The following ESR1 variants were observed in gnomAD, a reference collection of about 807,000 sequenced individuals.
ESR1 encodes the protein estrogen receptor.
In ESR1, 12 loss-of-function variants were observed where a neutral mutation model predicts 52.7. The observed-to-expected ratio is 0.23, with a 90% confidence interval of 0.15 to 0.37. ESR1 has a LOEUF of 0.37. Ranked by LOEUF, ESR1 falls within the 10% of genes least tolerant of loss-of-function variation. The pLI, the probability that ESR1 is intolerant of heterozygous loss-of-function variation, is 1.00. For missense variants in ESR1, 584 were observed against 779.7 expected, an observed-to-expected ratio of 0.75 and a Z score of 2.99; for synonymous variants, 305 against 316.8, an observed-to-expected ratio of 0.96 and a Z score of 0.39.
chr6:152,116,968 T>C (rs7450824), intron 6 of ESR1, among the ~76,000 whole-genome samples: 29,779 of 152,126 alleles, frequency 0.2, 3,431 homozygotes, highest in East Asian at 0.36. Context: ...CTTGCTATCA[T>C]GGCCAACTGG....
intron 4 of ESR1, among the ~76,000 whole-genome samples, chr6:151,975,899 C>T (rs7759554): frequency 0.024 from 3,578 of 152,130 alleles, 101 homozygotes; most frequent in East Asian, 0.082. Context: ...TGAACAATTC[C>T]CTGTGAATGC....
intron 5 of ESR1, among the ~76,000 whole-genome samples, chr6:152,024,034 G>T (rs1584869200): frequency 6.6e-6 from 1 of 152,036 alleles, no homozygotes; most frequent in African/African-American, 2.4e-5. Flanking sequence ...CATGTTAGGG[G>T]TCAATTTGGA....
intron 6 of ESR1, among the ~76,000 whole-genome samples, chr6:152,111,771 GTCTC>G (rs1402252891): frequency 2.0e-5 from 3 of 152,108 alleles, no homozygotes; most frequent in Non-Finnish European, 2.9e-5. Context: ...TTTACACGTG[GTCTC>G]AGTGCCTTGA....
chr6:151,784,037 A>G lies in ESR1; in HGVS notation c.-70-23806A>G, dbSNP rs1338329811. Among the ~76,000 whole-genome samples the G allele has an allele frequency of 1.3e-5, 2 of 152,214 alleles. 1 individual carries two copies. ...CATCATATCAAGCATATATTCTAACAATATGATTTATGACAACTAATGTTG... is the reference window on the plus strand; with the variant it reads ...CATCATATCAAGCATATATTCTAACGATATGATTTATGACAACTAATGTTG... On this transcript the variant is annotated intron_variant, in intron 2 of 2. Coordinates refer to the ESR1 transcript ENST00000404742.
At chr6:151,926,628 A>T (rs183366364) in intron 3 of ESR1, among the ~76,000 whole-genome samples, 6 of 152,188 alleles carry the variant, frequency 3.9e-5, no homozygotes, top group African/African-American at 1.4e-4. Context: ...TATTTTCTAA[A>T]CTTTGAATTC....
intron 4 of ESR1, among the ~76,000 whole-genome samples, chr6:151,998,564 A>T (rs2041691872): frequency 6.6e-6 from 1 of 152,060 alleles, no homozygotes; most frequent in Non-Finnish European, 1.5e-5. Flanking sequence ...ATCTTCTAGA[A>T]CTGGGGAAAG....
intron 3 of ESR1, among the ~76,000 whole-genome samples, chr6:151,906,691 T>C (rs1461896068): frequency 6.7e-6 from 1 of 149,212 alleles, no homozygotes; most frequent in Non-Finnish European, 1.5e-5. Flanking sequence ...TTTTATGTAT[T>C]ATAAATGTCA....
intron 6 of ESR1, among the ~76,000 whole-genome samples, chr6:152,084,639 A>C (rs1423038058): frequency 1.3e-5 from 2 of 151,888 alleles, no homozygotes; most frequent in Admixed American, 1.3e-4. Context: ...TTTGGCTCTA[A>C]ATTTCCTTTG....
chr6:151,746,739 A>G (rs912551292), intron 2 of ESR1, among the ~76,000 whole-genome samples: 5 of 152,238 alleles, frequency 3.3e-5, no homozygotes, highest in African/African-American at 1.2e-4. Flanking sequence ...CTTTTATATA[A>G]CGAACTGGGA....
chr6:151,933,253 T>G (rs1471568083), intron 3 of ESR1, among the ~76,000 whole-genome samples: 2 of 149,596 alleles, frequency 1.3e-5, no homozygotes, highest in South Asian at 2.1e-4. Context: ...TGGCTCTCTG[T>G]TTGTCTGTTG....
chr6:151,807,507 A>G (rs867240), upstream of ESR1: 6,111 of 299,578 alleles, frequency 0.02, 295 homozygotes, highest in African/African-American at 0.11. Context: ...GACGACAAGT[A>G]AAGTAAAGTT....
intron 6 of ESR1, among the ~76,000 whole-genome samples, chr6:152,072,084 G>C (rs535826246): frequency 0.011 from 1,054 of 98,800 alleles, 5 homozygotes; most frequent in Admixed American, 0.017. Context: ...CGGCTTCCCC[G>C]CTGCTCAGCC....
chr6:151,993,782 G>T (rs954568527), intron 4 of ESR1, among the ~76,000 whole-genome samples: 2 of 152,220 alleles, frequency 1.3e-5, no homozygotes, highest in Non-Finnish European at 2.9e-5. Flanking sequence ...AAGGTTGAGT[G>T]TCTTGCCCAA....
intron 2 of ESR1, among the ~76,000 whole-genome samples, chr6:151,734,930 A>G (rs1485661359): frequency 1.3e-5 from 2 of 152,142 alleles, no homozygotes; most frequent in Non-Finnish European, 1.5e-5. Context: ...TCCAACCTTC[A>G]AAAGATTTAA....
At chr6:151,839,635 A>G (rs1190754659) in intron 1 of ESR1, among the ~76,000 whole-genome samples, 1 of 152,218 alleles carries the variant, frequency 6.6e-6, no homozygotes, top group Non-Finnish European at 1.5e-5. Context: ...TCTGTGTAGT[A>G]TATACAGACA....
intron 4 of ESR1, among the ~76,000 whole-genome samples, chr6:151,980,743 G>A (rs1025140880): frequency 9.9e-5 from 15 of 152,128 alleles, no homozygotes; most frequent in African/African-American, 3.6e-4. Flanking sequence ...TCATTCTGTT[G>A]CCCAGGCTGG....
intron 1 of ESR1, among the ~76,000 whole-genome samples, chr6:151,701,021 G>A (rs1397052662): frequency 6.6e-6 from 1 of 152,028 alleles, no homozygotes; most frequent in African/African-American, 2.4e-5. Flanking sequence ...AATTAAGAAC[G>A]TTGTTTTATA....
intron 2 of ESR1, among the ~76,000 whole-genome samples, chr6:151,726,522 G>C (rs1781857028): frequency 6.6e-6 from 1 of 152,114 alleles, no homozygotes; most frequent in African/African-American, 2.4e-5. Flanking sequence ...GTTTTTAGTA[G>C]AGACGGGGTT....
chr6:152,006,494 T>C (rs1216988773), intron 4 of ESR1, among the ~76,000 whole-genome samples: 1 of 151,994 alleles, frequency 6.6e-6, no homozygotes, highest in Non-Finnish European at 1.5e-5. Context: ...TCGCAAAATA[T>C]GGGACGTGAA....
Sources: gnomAD v4.1 joint callset for allele counts (sites outside exome capture counted in the v4.1 genomes callset) on GRCh38, gnomAD v4.1.1 for gene constraint, MANE v1.5 for transcripts, NCBI Gene and HGNC (gene_info 2026-07-23, HGNC 2026-07-21) for gene names.